The following KCNQ1OT1 variants were observed in gnomAD, a reference collection of about 807,000 sequenced individuals.
KCNQ1OT1 encodes the protein KCNQ1 antisense RNA 2 (non-protein coding).
chr11:2,683,953 GCTTTTA>G lies in KCNQ1OT1; in HGVS notation n.16036_16041del. The G allele has an allele frequency of 2.5e-6, 1 of 396,002 alleles. No individual in the cohort carries two copies. The highest frequency in any genetic ancestry group is 3.6e-5 in the East Asian group (1 of 28,066). The allele number at this position is 396,002 out of a possible 1,614,324, so 24.5% of individuals were successfully genotyped here. A position where few individuals can be genotyped will look rare whatever the true frequency, so the allele number is the denominator to read the frequency against. ...CATAGTCAGACAAAACCAGCTGACTGCTTTTACTTTTTTTTTTTTTTCATTTAGAAG... is the reference window on the plus strand; with the variant it reads ...CATAGTCAGACAAAACCAGCTGACTGCTTTTTTTTTTTTTTCATTTAGAAG... On this transcript the variant is annotated non_coding_transcript_exon_variant, in exon 1 of 1. Transcript: ENST00000597346. This position sits in a 1 kb window ranked among gnomAD's most constrained non-coding sequence, Gnocchi z 4.7.
At chr11:2,655,657 C>A in exon 1 of KCNQ1OT1, 1 of 398,540 alleles carries the variant, frequency 2.5e-6, no homozygotes, top group South Asian at 1.3e-4. Context: ...ACCAGTGTGT[C>A]TGGAAAGAGC....
Position 2,644,947 on chromosome 11 carries a change from G to T in KCNQ1OT1, n.55048C>A. On this transcript the variant is annotated non_coding_transcript_exon_variant, in exon 1 of 1. Coordinates refer to ENST00000597346, the Ensembl canonical transcript of KCNQ1OT1. Reference sequence around the variant, plus strand: ...CAGGCCCCAGTGGCAGCAGTGGCTGGCCCCGAATGCTTATCCTTGGGCCCA... The same window carrying T: ...CAGGCCCCAGTGGCAGCAGTGGCTGTCCCCGAATGCTTATCCTTGGGCCCA... The T allele has an allele frequency of 7.5e-6, 3 of 398,698 alleles. No homozygotes were observed. In the East Asian group the frequency reaches 1.1e-4, roughly 14 times the overall value. The allele number at this position is 398,698 out of a possible 1,614,324, so 24.7% of individuals were successfully genotyped here.
exon 1 of KCNQ1OT1, chr11:2,696,939 G>A (rs1386448141): frequency 1.3e-5 from 5 of 398,224 alleles, no homozygotes; most frequent in Non-Finnish European, 2.2e-5. Flanking sequence ...TCTGAAATCT[G>A]AAATCTCTCT....
chr11:2,699,881 G>A (rs1850763823), exon 1 of KCNQ1OT1: 3 of 398,158 alleles, frequency 7.5e-6, no homozygotes, highest in Admixed American at 4.4e-5. Flanking sequence ...GAGGAGCCCC[G>A]GGGAGGACCA....
rs1850331130 is a variant in KCNQ1OT1 at position 2,678,467 on chromosome 11, C to T, written n.21528G>A. ...TACTAATTTCAACTGCTACCTTTAT[C>T]ATATTTCAAACTCTCATTTAATTTG... On this transcript the variant is annotated non_coding_transcript_exon_variant, in exon 1 of 1. Coordinates refer to ENST00000597346, the Ensembl canonical transcript of KCNQ1OT1. The surrounding 1 kb of genome is among the most constrained non-coding windows in gnomAD (Gnocchi z 4.9). The T allele has an allele frequency of 2.5e-6, 1 of 398,466 alleles. No homozygotes were observed. The highest frequency in any genetic ancestry group is 2.1e-5 in the African/African-American group (1 of 48,612). 24.7% of individuals were successfully genotyped at this position (398,466 alleles called of 1,614,324 possible).
rs1439505269 is a variant in KCNQ1OT1, at chr11:2,678,482, CATTTA to C, written n.21508_21512del. 7.5e-5 allele frequency: 30 copies of C among 398,472 alleles called. No individual in the cohort carries two copies. The highest frequency in any genetic ancestry group is 4.5e-4 in the African/African-American group (22 of 48,626). The allele number at this position is 398,472 out of a possible 1,614,324, so 24.7% of individuals were successfully genotyped here. The stretch of plus-strand genomic sequence containing the variant: ...CTACCTTTATCATATTTCAAACTCT[CATTTA>C]ATTTGTGTCCATTTCTAGACTCTAT... On this transcript the variant is annotated non_coding_transcript_exon_variant, in exon 1 of 1. Coordinates refer to ENST00000597346, the Ensembl canonical transcript of KCNQ1OT1. This position sits in a 1 kb window ranked among gnomAD's most constrained non-coding sequence, Gnocchi z 4.9.
Position 2,632,480 on chromosome 11 carries a change from A to G in KCNQ1OT1, n.67515T>C, listed in dbSNP as rs1449277176. 9.0e-5 allele frequency: 36 copies of G among 398,280 alleles called. No homozygotes were observed. In the East Asian group the frequency reaches 1.3e-3, roughly 14 times the overall value. The allele number at this position is 398,280 out of a possible 1,614,324, so 24.7% of individuals were successfully genotyped here. A position where few individuals can be genotyped will look rare whatever the true frequency, so the allele number is the denominator to read the frequency against. ...AGCTCTTAGTCTTTTCACCATTATG[A>G]TGCTCCTTGTGGGTTTTTCTTCTAG... On this transcript the variant is annotated non_coding_transcript_exon_variant, in exon 1 of 1. Transcript: ENST00000597346.
chr11:2,656,997 T>C, exon 1 of KCNQ1OT1: 1 of 398,658 alleles, frequency 2.5e-6, no homozygotes, highest in Non-Finnish European at 4.4e-6. Flanking sequence ...CTTCCCAGGA[T>C]GTGCAGGCCA....
exon 1 of KCNQ1OT1, chr11:2,667,682 G>A (rs988966622): frequency 5.0e-6 from 2 of 398,762 alleles, no homozygotes; most frequent in Non-Finnish European, 8.8e-6. Context: ...GGAGGCTGAA[G>A]CACGGAGGTG....
exon 1 of KCNQ1OT1, chr11:2,655,167 T>C (rs1202751839): frequency 5.0e-6 from 2 of 398,592 alleles, no homozygotes; most frequent in Non-Finnish European, 8.8e-6. Context: ...TTGATTCCTG[T>C]TCTCTTGAGA....
At chr11:2,666,605 G>A (rs1432900612) in exon 1 of KCNQ1OT1, 1 of 398,650 alleles carries the variant, frequency 2.5e-6, no homozygotes, top group Non-Finnish European at 4.4e-6. Context: ...TGGAAATAAG[G>A]GCAAACGTCA....
exon 1 of KCNQ1OT1, chr11:2,688,922 C>T (rs1158193938): frequency 2.5e-6 from 1 of 398,782 alleles, no homozygotes; most frequent in Non-Finnish European, 4.4e-6. Flanking sequence ...CCCACACAGG[C>T]CTGTCTCACA....
chr11:2,622,001 C>A (rs1033434392), exon 1 of KCNQ1OT1: 8 of 398,126 alleles, frequency 2.0e-5, no homozygotes, highest in African/African-American at 1.6e-4. Flanking sequence ...GTAGGCAAGG[C>A]ATTTATTGCT....
At chr11:2,675,393 T>G (rs1366591682) in exon 1 of KCNQ1OT1, 1 of 398,502 alleles carries the variant, frequency 2.5e-6, no homozygotes, top group Non-Finnish European at 4.4e-6. Flanking sequence ...AACACAGATA[T>G]TGGGCAAATT....
exon 1 of KCNQ1OT1, chr11:2,675,045 G>T (rs985908630): frequency 1.0e-5 from 4 of 398,516 alleles, no homozygotes; most frequent in Non-Finnish European, 1.3e-5. Flanking sequence ...GTGGGGGACG[G>T]GGATGCCAAG....
exon 1 of KCNQ1OT1, chr11:2,689,788 G>A (rs2283189): frequency 0.026 from 10,454 of 398,632 alleles, 412 homozygotes; most frequent in East Asian, 0.095. Context: ...TAGGAGGGGA[G>A]GGGAAGCACT....
At chr11:2,640,932 C>G (rs1256237673) in exon 1 of KCNQ1OT1, 8 of 399,060 alleles carry the variant, frequency 2.0e-5, no homozygotes, top group Non-Finnish European at 3.1e-5. Flanking sequence ...AGATAATTAT[C>G]TTTCTGTGCC....
At chr11:2,619,962 TC>T (rs78583424) in exon 1 of KCNQ1OT1, 1 of 349,658 alleles carries the variant, frequency 2.9e-6, no homozygotes. Flanking sequence ...GATAAGCCTA[TC>T]ACCCAGGTAG....
In KCNQ1OT1 at chr11:2,658,698, G is replaced by A; in HGVS notation, n.41297C>T. On this transcript the variant is annotated non_coding_transcript_exon_variant, in exon 1 of 1. Transcript: ENST00000597346. The surrounding 1 kb of genome is among the most constrained non-coding windows in gnomAD (Gnocchi z 4.9). ...GGACAGAGCTAGGAAATATATGTAT[G>A]TATGTAACCTGAGTACACATACATC... 2.5e-6 allele frequency: 1 copy of A among 398,460 alleles called. No homozygotes were observed. The highest frequency in any genetic ancestry group is 4.4e-6 in the Non-Finnish European group (1 of 226,026). The allele number at this position is 398,460 out of a possible 1,614,324, so 24.7% of individuals were successfully genotyped here. A position where few individuals can be genotyped will look rare whatever the true frequency, so the allele number is the denominator to read the frequency against.
Sources: gnomAD v4.1 joint callset for allele counts on GRCh38, gnomAD v4.1.1 for gene constraint, Gnocchi (gnomAD v3.1) non-coding constraint, MANE v1.5 for transcripts, NCBI Gene and HGNC (gene_info 2026-07-23, HGNC 2026-07-21) for gene names.